The following ULK4 variants were observed in gnomAD, a reference collection of about 807,000 sequenced individuals.
ULK4 encodes unc-51 like kinase 4.
Under a neutral mutation model 160.6 loss-of-function variants are expected in ULK4, and 133 were observed. That is an observed-to-expected ratio of 0.83 (90% CI 0.72 to 0.96). ULK4 has a LOEUF of 0.96. Ranked by LOEUF, ULK4 falls within the 40% of genes least tolerant of loss-of-function variation. The probability of loss-of-function intolerance (pLI) is 0.00; values close to 1 mark genes in which losing one functional copy is unlikely to be tolerated. For missense variants in ULK4, 1,580 were observed against 1,499.5 expected, an observed-to-expected ratio of 1.05 and a Z score of -0.89; for synonymous variants, 534 against 539.8, an observed-to-expected ratio of 0.99 and a Z score of 0.15.
At chr3:41,687,388 T>A (rs1238168955) in intron 27 of ULK4, among the ~76,000 whole-genome samples, 1 of 151,180 alleles carries the variant, frequency 6.6e-6, no homozygotes, top group Non-Finnish European at 1.5e-5. Context: ...AAAAAAAAAA[T>A]TAATTAAACA....
At chr3:41,419,311 C>T (rs6767650) in intron 34 of ULK4, among the ~76,000 whole-genome samples, 73,650 of 151,832 alleles carry the variant, frequency 0.49, 18,694 homozygotes, top group African/African-American at 0.63. Context: ...GGCTAGAAAA[C>T]GAGGTCAGAG....
Position 41,959,716 on chromosome 3 carries a change from G to T in ULK4, c.-49+2300C>A, listed in dbSNP as rs1206712768. Among the ~76,000 whole-genome samples, 3 of 151,934 alleles carry T rather than the reference G, an allele frequency of 2.0e-5. No individual in the cohort carries two copies. In the East Asian group the frequency reaches 5.9e-4, roughly 30 times the overall value. On this transcript the variant is annotated intron_variant, in intron 1 of 36. Transcript: ENST00000301831. ...CGCTTTCGGAGGTGGAGGCAGGATT[G>T]TCTGAAGCCAAGAGTTCAAGACCAG...
intron 27 of ULK4, among the ~76,000 whole-genome samples, chr3:41,700,211 T>C (rs2036627595): frequency 6.6e-6 from 1 of 152,184 alleles, no homozygotes; most frequent in Admixed American, 6.5e-5. Context: ...GCTTTCAGAC[T>C]AGTTTCTGAT....
At chr3:41,945,885 C>G (rs1700097647) in intron 2 of ULK4, among the ~76,000 whole-genome samples, 1 of 152,122 alleles carries the variant, frequency 6.6e-6, no homozygotes, top group Non-Finnish European at 1.5e-5. Context: ...CTCTTTCACA[C>G]CTCATACCCA....
Position 41,439,949 on chromosome 3 carries a change from T to G in ULK4, c.3492+15548A>C, listed in dbSNP as rs540419057. On this transcript the variant is annotated intron_variant, in intron 34 of 36. Transcript: ENST00000301831. ...TACCTTTTGTTAGATTTTCCCCTAA[T>G]ATTTCATATTTTTATGCTATTGCAA... 4.6e-5 allele frequency among the ~76,000 whole-genome samples: 7 copies of G among 152,354 alleles called. No homozygotes were observed. The South Asian group carries it at 8.3e-4, about 18-fold the overall frequency.
chr3:41,470,031 A>AG (rs1352973365), intron 32 of ULK4, among the ~76,000 whole-genome samples: 1 of 145,536 alleles, frequency 6.9e-6, no homozygotes, highest in Non-Finnish European at 1.5e-5. Flanking sequence ...AAAAAAAAAA[A>AG]AAAAAAAAAA....
intron 18 of ULK4, among the ~76,000 whole-genome samples, chr3:41,824,204 T>C (rs1000812039): frequency 3.6e-5 from 5 of 137,410 alleles, no homozygotes; most frequent in Non-Finnish European, 6.2e-5. Context: ...GATAGCCAAA[T>C]AGGAACAGCT....
rs184007609 is a variant in ULK4, at chr3:41,571,066, A to G, written c.3121-4936T>C. 2.6e-3 allele frequency among the ~76,000 whole-genome samples: 389 copies of G among 152,320 alleles called. 2 individuals are homozygous for G. Among genetic ancestry groups the G allele is most frequent in the African/African-American group, 9.0e-3 (375 of 41,562 alleles). ...TTCTATTCTAGACGTTATTAAAAAC[A>G]CTGTTTTCTTTATTGTCTTTGTTGG... On this transcript the variant is annotated intron_variant, in intron 31 of 36. Coordinates refer to ENST00000301831, the MANE Select transcript of ULK4 (RefSeq NM_017886.4).
At position 41,754,562 on chromosome 3, in the gene ULK4, G is replaced by A. The variant is rs1490877053; in HGVS notation, c.2194-74C>T. 6 of 1,419,754 alleles carry A rather than the reference G, an allele frequency of 4.2e-6. No individual in the cohort carries two copies. In the African/African-American group the frequency reaches 8.7e-5, roughly 20 times the overall value. 87.9% of individuals were successfully genotyped at this position (1,419,754 alleles called of 1,614,324 possible). On this transcript the variant is annotated intron_variant, in intron 21 of 36. Coordinates refer to ENST00000301831, the MANE Select transcript of ULK4 (RefSeq NM_017886.4). ...GCAGTCTCAATTCTCAGAGTGAACA[G>A]ACTATAATAATCAAGCAGATGGCAG...
chr3:41,721,958 C>T (rs981688190), intron 22 of ULK4, among the ~76,000 whole-genome samples: 15 of 152,130 alleles, frequency 9.9e-5, no homozygotes, highest in Admixed American at 2.0e-4. Context: ...AAATCTTTTA[C>T]CTTGACAATA....
Position 41,770,040 on chromosome 3 carries a change from T to C in ULK4, c.2194-15552A>G, listed in dbSNP as rs754285483. 1.2e-3 allele frequency among the ~76,000 whole-genome samples: 190 copies of C among 152,336 alleles called. No individual in the cohort carries two copies. In the Middle Eastern group the frequency reaches 0.014, roughly 11 times the overall value. ...AATTGTTTTTGGATTGCAATTTTCC[T>C]TTAAAAAGTTTAGCCAAGTACCTAA... On this transcript the variant is annotated intron_variant, in intron 21 of 36. Transcript: ENST00000301831.
intron 35 of ULK4, among the ~76,000 whole-genome samples, chr3:41,325,103 T>C (rs2080316113): frequency 6.6e-6 from 1 of 152,194 alleles, no homozygotes; most frequent in African/African-American, 2.4e-5. Context: ...TAACCTACAA[T>C]TTTCTGATGC....
intron 22 of ULK4, among the ~76,000 whole-genome samples, chr3:41,727,737 T>TAA (rs913320494): frequency 6.6e-6 from 1 of 150,720 alleles, no homozygotes; most frequent in Non-Finnish European, 1.5e-5. Flanking sequence ...GACATGTGGT[T>TAA]AAAAAAAAAC....
At chr3:41,286,378 G>A (rs547946967) in intron 35 of ULK4, among the ~76,000 whole-genome samples, 1 of 152,026 alleles carries the variant, frequency 6.6e-6, no homozygotes, top group Admixed American at 6.6e-5. Flanking sequence ...AAGTTAACCT[G>A]GTAGCTACAT....
intron 35 of ULK4, among the ~76,000 whole-genome samples, chr3:41,297,466 T>C (rs1215541841): frequency 6.6e-6 from 1 of 152,194 alleles, no homozygotes; most frequent in Admixed American, 6.5e-5. Context: ...CTGAGCCCAC[T>C]TAAAAGTGGA....
At chr3:41,519,837 G>T (rs1337451693) in intron 32 of ULK4, among the ~76,000 whole-genome samples, 1 of 152,206 alleles carries the variant, frequency 6.6e-6, no homozygotes, top group Non-Finnish European at 1.5e-5. Context: ...AGTTGCATAT[G>T]TATCAACTTA....
chr3:41,836,658 G>A (rs1266797267), intron 17 of ULK4, among the ~76,000 whole-genome samples: 2 of 152,084 alleles, frequency 1.3e-5, no homozygotes, highest in East Asian at 1.9e-4. Context: ...GGTATGCTCC[G>A]GCACAACACA....
At chr3:41,605,417 T>C (rs2032329687) in intron 31 of ULK4, among the ~76,000 whole-genome samples, 1 of 151,844 alleles carries the variant, frequency 6.6e-6, no homozygotes, top group South Asian at 2.1e-4. Context: ...TGGAAAAGAA[T>C]ATGTCTCACA....
At chr3:41,417,476 A>T (rs534685777) in intron 34 of ULK4, among the ~76,000 whole-genome samples, 3 of 152,170 alleles carry the variant, frequency 2.0e-5, no homozygotes, top group Non-Finnish European at 2.9e-5. Flanking sequence ...AGGTATGAAG[A>T]GCTCACAGAA....
Sources: gnomAD v4.1 joint callset for allele counts (sites outside exome capture counted in the v4.1 genomes callset) on GRCh38, gnomAD v4.1.1 for gene constraint, MANE v1.5 for transcripts, NCBI Gene and HGNC (gene_info 2026-07-23, HGNC 2026-07-21) for gene names.